CRADD: variants seen among roughly 807,000 people sequenced by gnomAD.
CRADD encodes death domain-containing protein CRADD.
In CRADD, 9 loss-of-function variants were observed where a neutral mutation model predicts 15.5. That is an observed-to-expected ratio of 0.58 (90% CI 0.35 to 1.01). The LOEUF (loss-of-function observed/expected upper bound fraction) is 1.01. Among genes scored for constraint, CRADD ranks in the 50% least tolerant of loss-of-function variants. The probability of loss-of-function intolerance (pLI) is 0.02; values close to 1 mark genes in which losing one functional copy is unlikely to be tolerated. For synonymous variants in CRADD, 118 were observed against 107.6 expected, an observed-to-expected ratio of 1.10 and a Z score of -0.60; for missense variants, 227 against 250.3, an observed-to-expected ratio of 0.91 and a Z score of 0.63.
intron 2 of CRADD, among the ~76,000 whole-genome samples, chr12:93,822,057 G>A (rs1957774983): frequency 6.6e-6 from 1 of 151,458 alleles, no homozygotes; most frequent in Non-Finnish European, 1.5e-5. Context: ...GGCAGAGGCT[G>A]CAGTGAGCCG....
At chr12:93,822,868 T>G (rs559683058) in intron 2 of CRADD, among the ~76,000 whole-genome samples, 3 of 152,358 alleles carry the variant, frequency 2.0e-5, no homozygotes, top group African/African-American at 7.2e-5. Flanking sequence ...TAAATCAAAT[T>G]TTTTCTTTCA....
At chr12:93,689,754 T>G (rs941376024) in intron 2 of CRADD, among the ~76,000 whole-genome samples, 8 of 152,134 alleles carry the variant, frequency 5.3e-5, no homozygotes, top group African/African-American at 1.9e-4. Context: ...AATACAAGAC[T>G]TTAAAAGCAT....
At chr12:93,863,039 A>G (rs560075739) in intron 2 of CRADD, among the ~76,000 whole-genome samples, 1 of 152,266 alleles carries the variant, frequency 6.6e-6, no homozygotes, top group South Asian at 2.1e-4. Context: ...GGTTTTCTGG[A>G]ACCTTCTTTT....
intron 2 of CRADD, among the ~76,000 whole-genome samples, chr12:93,816,655 A>AT (rs1491347547): frequency 2.0e-5 from 3 of 152,168 alleles, no homozygotes; most frequent in African/African-American, 7.2e-5. Flanking sequence ...GTAGCCACAC[A>AT]TGTCTAGTGG....
At chr12:93,785,012 A>G (rs1957262083) in intron 2 of CRADD, among the ~76,000 whole-genome samples, 1 of 152,188 alleles carries the variant, frequency 6.6e-6, no homozygotes, top group South Asian at 2.1e-4. Flanking sequence ...CCTCAAAAGA[A>G]TGATATTTTG....
intron 2 of CRADD, among the ~76,000 whole-genome samples, chr12:93,711,899 G>A (rs146813757): frequency 5.1e-4 from 77 of 152,186 alleles, no homozygotes; most frequent in African/African-American, 1.8e-3. Flanking sequence ...GGGATTACAG[G>A]CGTGAGCCAC....
chr12:93,842,408 G>A (rs1293214623), intron 2 of CRADD, among the ~76,000 whole-genome samples: 1 of 152,162 alleles, frequency 6.6e-6, no homozygotes, highest in Non-Finnish European at 1.5e-5. Flanking sequence ...CAGACAGCTA[G>A]TGGAGATGGT....
At chr12:93,877,951 T>A (rs1355888614) in intron 2 of CRADD, among the ~76,000 whole-genome samples, 1 of 152,138 alleles carries the variant, frequency 6.6e-6, no homozygotes, top group East Asian at 1.9e-4. Context: ...CAACTGGTAA[T>A]GTCCTGAGTC....
At chr12:93,819,574 A>G (rs1044372328) in intron 2 of CRADD, among the ~76,000 whole-genome samples, 3 of 152,260 alleles carry the variant, frequency 2.0e-5, no homozygotes, top group African/African-American at 7.2e-5. Flanking sequence ...AAGAAAGTGA[A>G]TATAAAGAAA....
chr12:93,740,975 T>A (rs1956657298), intron 2 of CRADD, among the ~76,000 whole-genome samples: 1 of 152,232 alleles, frequency 6.6e-6, no homozygotes, highest in African/African-American at 2.4e-5. Context: ...TTTGCAACAT[T>A]TTCCTTTGCT....
intron 2 of CRADD, among the ~76,000 whole-genome samples, chr12:93,875,304 G>T (rs950254035): frequency 6.6e-6 from 1 of 151,766 alleles, no homozygotes; most frequent in African/African-American, 2.4e-5. Context: ...GAGGTGAAGT[G>T]TGTTTCTTGT....
chr12:93,711,055 C>CCCCCCTTTTTTTTTTTTTTTTTTTTTTT, intron 2 of CRADD, among the ~76,000 whole-genome samples: 1 of 43,508 alleles, frequency 2.3e-5, no homozygotes, highest in Non-Finnish European at 4.4e-5. Context: ...CCACCCCCGC[C>CCCCCCTTTTTTTTTTTTTTTTTTTTTTT]TTTTTTTTTT....
chr12:93,791,514 G>T (rs1049914134), intron 2 of CRADD, among the ~76,000 whole-genome samples: 2 of 152,152 alleles, frequency 1.3e-5, no homozygotes, highest in Non-Finnish European at 1.5e-5. Context: ...TGGTTACCAG[G>T]GCTGGGGGTT....
At chr12:93,790,188 G>A (rs1013826627) in intron 2 of CRADD, among the ~76,000 whole-genome samples, 4 of 152,104 alleles carry the variant, frequency 2.6e-5, no homozygotes, top group African/African-American at 9.7e-5. Context: ...TATAGCCGCA[G>A]AAAGAGCTTT....
At chr12:93,692,393 TC>T (rs1417965168) in intron 2 of CRADD, among the ~76,000 whole-genome samples, 1 of 152,120 alleles carries the variant, frequency 6.6e-6, no homozygotes, top group Non-Finnish European at 1.5e-5. Flanking sequence ...CTAATTAGAT[TC>T]AATCCAAACA....
At chr12:93,855,446 C>A (rs1379333391), downstream of CRADD, among the ~76,000 whole-genome samples, 1 of 152,226 alleles carries the variant, frequency 6.6e-6, no homozygotes, top group Non-Finnish European at 1.5e-5. Flanking sequence ...CACAGTTCCT[C>A]TTCTCCAGGA....
At chr12:93,871,440 A>T (rs960753088) in intron 2 of CRADD, among the ~76,000 whole-genome samples, 12 of 152,312 alleles carry the variant, frequency 7.9e-5, no homozygotes, top group African/African-American at 2.9e-4. Flanking sequence ...TTATTTAAAA[A>T]TATACAATTA....
intron 2 of CRADD, among the ~76,000 whole-genome samples, chr12:93,800,581 GCT>G (rs144608445): frequency 9.2e-4 from 136 of 147,380 alleles, no homozygotes; most frequent in Non-Finnish European, 1.0e-3. Flanking sequence ...ACTTACTCCT[GCT>G]CTCTCTCTCT....
chr12:93,831,515 G>A (rs923717387), intron 2 of CRADD: 5 of 152,218 alleles, frequency 3.3e-5, no homozygotes, highest in East Asian at 1.9e-4. Context: ...CCTGTGCTTC[G>A]TCAGGTTAGT....
Sources: gnomAD v4.1 joint callset for allele counts (sites outside exome capture counted in the v4.1 genomes callset) on GRCh38, gnomAD v4.1.1 for gene constraint, MANE v1.5 for transcripts, NCBI Gene and HGNC (gene_info 2026-07-23, HGNC 2026-07-21) for gene names.